FLYWCH2: variants seen among roughly 807,000 people sequenced by gnomAD.
The protein encoded by FLYWCH2 is FLYWCH family member 2.
A neutral mutation model predicts 6.0 loss-of-function variants in FLYWCH2; 2 were observed. The observed-to-expected ratio is 0.33, with a 90% CI of 0.14 to 1.04. The LOEUF (loss-of-function observed/expected upper bound fraction) is 1.04, where lower values mean the gene tolerates loss of function less well. Ranked by LOEUF, FLYWCH2 falls within the 50% of genes least tolerant of loss-of-function variation. FLYWCH2 has a pLI of 0.45. For synonymous variants in FLYWCH2, 87 were observed against 79.3 expected (o/e 1.10, Z -0.52); for missense variants, 192 against 183.4 (o/e 1.05, Z -0.27).
chr16:2,884,408 G>A, intron 1 of FLYWCH2, among the ~76,000 whole-genome samples: 1 of 151,820 alleles, frequency 6.6e-6, no homozygotes, highest in Admixed American at 6.6e-5. Flanking sequence ...TCCTGTTGCT[G>A]TCCTAACAAA....
intron 2 of FLYWCH2, 46 bp from the exon 3 acceptor site, chr16:2,896,306 C>T (rs573506496): frequency 2.7e-6 from 3 of 1,095,446 alleles, no homozygotes; most frequent in East Asian, 2.6e-5. Context: ...CGTCTAGAGC[C>T]TCCCAAGGGC....
chr16:2,898,085 C>A (rs890107111), intron 3 of FLYWCH2, among the ~76,000 whole-genome samples: 33 of 152,158 alleles, frequency 2.2e-4, no homozygotes, highest in African/African-American at 7.7e-4. Context: ...CCCTGCCTCA[C>A]TGATGGAAAT....
intron 1 of FLYWCH2, among the ~76,000 whole-genome samples, chr16:2,894,840 G>C (rs980564982): frequency 1.3e-5 from 2 of 152,170 alleles, no homozygotes; most frequent in African/African-American, 2.4e-5. Context: ...ATGGACAATA[G>C]GGTCTTAGAA....
In FLYWCH2 at chr16:2,896,757, G is replaced by A. The variant is rs751825297; in HGVS notation, c.308G>A (p.Ser103Asn). 6.2e-7 allele frequency: 1 copy of A among 1,610,414 alleles called. No homozygotes were observed. Among genetic ancestry groups the A allele is most frequent in the Non-Finnish European group, 8.5e-7 (1 of 1,179,764 alleles). Residue 103 changes from serine (S) to asparagine (N), a missense_variant, in exon 3 of 4, where the codon AGC becomes AAC. Physicochemically the swap from Ser to Asn is conservative, Grantham distance 46. Coordinates refer to ENST00000396958, the MANE Select transcript of FLYWCH2 (RefSeq NM_138439.3). ...CCTCAGGAGCCTGAGCAGAAACGGA[G>A]CAGGCAGGACCCAGGTGAGGCTCCA... The part of the protein sequence containing the change: ...AAPQEPEQKR[S>N]RQDPGTDRTE...
Position 2,899,209 on chromosome 16 carries a change from G to C in FLYWCH2, c.*60G>C. The C allele has an allele frequency of 1.6e-6, 2 of 1,242,768 alleles. No homozygotes were observed. The highest frequency in any genetic ancestry group is 2.2e-6 in the Non-Finnish European group (2 of 892,866). 77.0% of individuals were successfully genotyped at this position (1,242,768 alleles called of 1,614,324 possible). On this transcript the variant is annotated 3_prime_UTR_variant, in exon 4 of 4. Transcript: ENST00000396958. ...CCCAGCCATAGGCTCTTCTCTGTCC[G>C]CAGGGCTTCTGGGGCCAAATGGGTG...
intron 3 of FLYWCH2, 151 bp from the exon 4 acceptor site, chr16:2,898,898 G>A: frequency 1.8e-6 from 1 of 541,382 alleles, no homozygotes; most frequent in South Asian, 2.7e-5. Flanking sequence ...CAGCGTCCCT[G>A]AGTGGCAGTC....
chr16:2,898,838 T>G (rs1412600761), intron 3 of FLYWCH2: 3 of 454,840 alleles, frequency 6.6e-6, no homozygotes, highest in Non-Finnish European at 1.2e-5. Flanking sequence ...TCAAGTTTCC[T>G]GGAAATGACT....
rs758884212 is a variant in FLYWCH2 at position 2,896,599 on chromosome 16, C to G, written c.150C>G (p.Asp50Glu). The change falls in exon 3 of 4, where the codon GAC (aspartate) becomes GAG (glutamate). Residue 50 changes from aspartate (D) to glutamate (E), a missense_variant. Transcript: ENST00000396958. ...SKLVLLTASK[D>E]STKVAGAKRK... is the part of the protein sequence containing the mutation. ...TGGTCCTGCTCACAGCCTCCAAAGA[C>G]AGCACCAAGGTGGCGGGGGCCAAGC... The G allele has an allele frequency of 4.0e-5, 65 of 1,614,062 alleles. 1 individual carries two copies. Among genetic ancestry groups the G allele is most frequent in the South Asian group, 6.6e-5 (6 of 91,094 alleles).
chr16:2,895,569 C>T (rs2069809775), intron 2 of FLYWCH2, among the ~76,000 whole-genome samples: 1 of 152,210 alleles, frequency 6.6e-6, no homozygotes, highest in Admixed American at 6.5e-5. Context: ...GAGCCAAGAT[C>T]GTGCCACTGC....
chr16:2,899,119 C>T lies in FLYWCH2; in HGVS notation c.393C>T (p.Pro131=). 1.2e-6 allele frequency: 2 copies of T among 1,613,672 alleles called. No individual in the cohort carries two copies. The highest frequency in any genetic ancestry group is 1.7e-6 in the Non-Finnish European group (2 of 1,179,852). The change falls in exon 4 of 4, where the codon CCC becomes CCT. Residue 131 remains proline, a synonymous_variant. Coordinates refer to ENST00000396958, the MANE Select transcript of FLYWCH2 (RefSeq NM_138439.3). ...AGGCTGCTGGGGAGAACTTTGCCCC[C>T]TGCTCTGTGGCGCCCGGCAAGTCCC... ...PPEAAGENFA[P]CSVAPGKSL is the part of the protein sequence containing the mutation.
chr16:2,883,855 G>A (rs985333669), intron 1 of FLYWCH2, among the ~76,000 whole-genome samples: 3 of 152,256 alleles, frequency 2.0e-5, no homozygotes, highest in Non-Finnish European at 2.9e-5. Context: ...GATGCCAATT[G>A]CATTGGGTAA....
At chr16:2,890,221 TGTTTTTG>T (rs1221007726) in intron 1 of FLYWCH2, among the ~76,000 whole-genome samples, 8 of 105,350 alleles carry the variant, frequency 7.6e-5, no homozygotes, top group African/African-American at 3.2e-4. Context: ...TGTGTTTTTT[TGTTTTTG>T]TTTTTTTTTT....
chr16:2,897,762 C>T (rs112870806), intron 3 of FLYWCH2, among the ~76,000 whole-genome samples: 3,077 of 152,306 alleles, frequency 0.02, 103 homozygotes, highest in African/African-American at 0.069. Context: ...GGGCAGGCAG[C>T]GGTGGGGGCA....
chr16:2,892,100 G>A (rs772793085), intron 1 of FLYWCH2, among the ~76,000 whole-genome samples: 3 of 152,110 alleles, frequency 2.0e-5, no homozygotes, highest in Non-Finnish European at 4.4e-5. Context: ...GCTGAGGCAG[G>A]AGAATTGCTT....
chr16:2,885,472 C>T (rs536800942), intron 1 of FLYWCH2, among the ~76,000 whole-genome samples: 12 of 152,178 alleles, frequency 7.9e-5, no homozygotes, highest in Non-Finnish European at 1.6e-4. Context: ...CTCCCCTTCC[C>T]CACCCCAATC....
rs1037399579 is a variant in FLYWCH2, at chr16:2,899,309, T to C, written c.*160T>C. On this transcript the variant is annotated 3_prime_UTR_variant, in exon 4 of 4. Coordinates refer to ENST00000396958, the MANE Select transcript of FLYWCH2 (RefSeq NM_138439.3). ...TTAGATCAAGTATAAGTTACTTTTG[T>C]AAGCAGAAAAATACTTTCAAACAAG... The C allele has an allele frequency of 3.8e-6, 2 of 529,408 alleles. No homozygotes were observed. Among genetic ancestry groups the C allele is most frequent in the Non-Finnish European group, 6.5e-6 (2 of 305,606 alleles). The allele number at this position is 529,408 out of a possible 1,614,324, so 32.8% of individuals were successfully genotyped here.
intron 1 of FLYWCH2, 77 bp downstream of exon 1, chr16:2,883,443 G>T (rs1229857474): frequency 6.6e-6 from 1 of 152,416 alleles, no homozygotes; most frequent in African/African-American, 2.4e-5. Context: ...CTCTCTCGGG[G>T]GTCCCGAGGG....
chr16:2,885,753 G>A (rs182018122), intron 1 of FLYWCH2, among the ~76,000 whole-genome samples: 6 of 152,120 alleles, frequency 3.9e-5, no homozygotes, highest in Admixed American at 1.3e-4. Flanking sequence ...AATATCCATC[G>A]AAACGTTTTG....
At chr16:2,885,638 A>C (rs112669103) in intron 1 of FLYWCH2, among the ~76,000 whole-genome samples, 2 of 152,168 alleles carry the variant, frequency 1.3e-5, no homozygotes, top group South Asian at 4.1e-4. Context: ...AGGTTCATTC[A>C]TGTTGTAGCA....
Sources: allele counts gnomAD v4.1 joint callset (sites outside exome capture counted in the v4.1 genomes callset), GRCh38; gene constraint gnomAD v4.1.1; transcripts MANE v1.5; gene names NCBI Gene and HGNC (gene_info 2026-07-23, HGNC 2026-07-21).